The following DST variants were observed in gnomAD, a reference collection of about 807,000 sequenced individuals.
DST encodes bullous pemphigoid antigen.
In DST, 253 loss-of-function variants were observed where a neutral mutation model predicts 875.2. The ratio of observed to expected loss-of-function variants is 0.29; its 90% CI spans 0.26 to 0.32. The LOEUF (loss-of-function observed/expected upper bound fraction) is 0.32. Among genes scored for constraint, DST ranks in the 10% least tolerant of loss-of-function variants. DST has a pLI of 1.00. For missense variants in DST, 8,287 were observed against 9,111.6 expected (o/e 0.91, Z 3.68); for synonymous variants, 3,124 against 3,197.1 (o/e 0.98, Z 0.77).
chr6:56,469,839 T>C (rs1189509836), intron 97 of DST, 44 bp downstream of exon 97: 9 of 1,508,090 alleles, frequency 6.0e-6, no homozygotes, highest in Admixed American at 1.7e-5. Context: ...CAGATTTCAA[T>C]TTATGTCCTT....
intron 4 of DST, among the ~76,000 whole-genome samples, chr6:56,814,822 AAG>A (rs2099764730): frequency 6.6e-6 from 1 of 152,244 alleles, no homozygotes; most frequent in Admixed American, 6.5e-5. Context: ...ATTGAACAAA[AAG>A]AGAGGCAAAA....
chr6:56,506,505 C>T lies in DST; in HGVS notation c.19402G>A (p.Asp6468Asn). 1 of 1,613,126 alleles carries T rather than the reference C, an allele frequency of 6.2e-7. No homozygotes were observed. Among genetic ancestry groups the T allele is most frequent in the Non-Finnish European group, 8.5e-7 (1 of 1,179,480 alleles). ...GCCTCCTCAAGTTTGTCAATCCGGT[C>T]TTTCCAAGCTTTATTTAGAGAATCC... The part of the protein sequence containing the change: ...AWDSLNKAWK[D>N]RIDKLEEAMQ... Residue 6468 changes from aspartate (D) to asparagine (N), a missense_variant, in exon 77 of 104, where the codon GAC becomes AAC. By Grantham distance (23) the Asp-to-Asn change is conservative. Around this residue, in one of 10 missense-constraint regions of DST, gnomAD observed 1,292 missense variants for 1,552.7 expected, o/e 0.83. Coordinates refer to ENST00000680361, the MANE Select transcript of DST (RefSeq NM_001374736.1).
At chr6:56,879,559 TAAGA>T (rs1251203973) in intron 3 of DST, among the ~76,000 whole-genome samples, 2 of 152,240 alleles carry the variant, frequency 1.3e-5, no homozygotes, top group African/African-American at 4.8e-5. Flanking sequence ...CAGTCCCTAT[TAAGA>T]TAGATAAAGA....
At chr6:56,664,807 C>A (rs931692262) in intron 10 of DST, among the ~76,000 whole-genome samples, 1 of 152,000 alleles carries the variant, frequency 6.6e-6, no homozygotes, top group Non-Finnish European at 1.5e-5. Flanking sequence ...AGTATACAAA[C>A]AGAACAAGCA....
At chr6:56,528,691 C>T (rs1469615323) in intron 67 of DST, 150 bp downstream of exon 67, 2 of 628,914 alleles carry the variant, frequency 3.2e-6, no homozygotes, top group Non-Finnish European at 5.6e-6. Context: ...TAACCACCCC[C>T]TTGATTGGTC....
At chr6:56,921,071 A>G (rs73463711) in intron 2 of DST, among the ~76,000 whole-genome samples, 4,849 of 151,920 alleles carry the variant, frequency 0.032, 250 homozygotes, top group African/African-American at 0.11. Context: ...AAACAAATAA[A>G]TCAAACAAAT....
At chr6:56,645,558 C>CA (rs1421574926) in intron 15 of DST, among the ~76,000 whole-genome samples, 2 of 152,086 alleles carry the variant, frequency 1.3e-5, no homozygotes, top group African/African-American at 4.8e-5. Context: ...CTTTTAGATC[C>CA]AGGCCCTGGT....
At chr6:56,791,887 A>G (rs568350743) in intron 4 of DST, among the ~76,000 whole-genome samples, 2 of 152,280 alleles carry the variant, frequency 1.3e-5, no homozygotes, top group African/African-American at 2.4e-5. Flanking sequence ...AGCAATAAAC[A>G]TATCTAGTGC....
At chr6:56,511,529 A>G in intron 72 of DST, 129 bp from the exon 73 acceptor site, 1 of 698,068 alleles carries the variant, frequency 1.4e-6, no homozygotes, top group South Asian at 1.8e-5. Context: ...GGCATTTAAC[A>G]CATGATGGCT....
At chr6:56,655,721 T>A (rs1168876922) in intron 10 of DST, among the ~76,000 whole-genome samples, 2 of 152,170 alleles carry the variant, frequency 1.3e-5, no homozygotes, top group Non-Finnish European at 2.9e-5. Flanking sequence ...TCAAGAAATG[T>A]CCACTGCATA....
intron 2 of DST, among the ~76,000 whole-genome samples, chr6:56,950,130 T>A (rs1821605921): frequency 6.6e-6 from 1 of 152,190 alleles, no homozygotes; most frequent in Non-Finnish European, 1.5e-5. Context: ...GCCAGATAAT[T>A]CTTGTGTTAC....
chr6:56,872,349 T>C (rs1777585627), intron 3 of DST, among the ~76,000 whole-genome samples: 1 of 152,168 alleles, frequency 6.6e-6, no homozygotes, highest in Non-Finnish European at 1.5e-5. Context: ...TAAAAGTAAC[T>C]AAAATTTTAA....
chr6:56,871,246 G>A (rs1420732343), intron 3 of DST: 7 of 773,468 alleles, frequency 9.1e-6, no homozygotes, highest in Non-Finnish European at 9.6e-6. Context: ...AAATCAAGAG[G>A]TTCAAATCTT....
At chr6:56,876,975 G>T (rs1275532580) in intron 3 of DST, among the ~76,000 whole-genome samples, 1 of 152,044 alleles carries the variant, frequency 6.6e-6, no homozygotes, top group East Asian at 1.9e-4. Flanking sequence ...ATTTATAAAG[G>T]TTATTTCCAT....
chr6:56,943,801 T>C (rs1276862203), intron 2 of DST, among the ~76,000 whole-genome samples: 1 of 151,984 alleles, frequency 6.6e-6, no homozygotes, highest in Admixed American at 6.6e-5. Context: ...AAGACATAAG[T>C]AAGGTATAAC....
chr6:56,629,280 C>A lies in DST; in HGVS notation c.4445G>T (p.Trp1482Leu). ...GTCAATCTGCACATGAACATTTTGC[C>A]ACCTTTCAACTAATTGATCTGCTTT... is the stretch of plus-strand genomic sequence containing the variant. ...KEKADQLVER[W>L]QNVHVQIDNR... is the part of the protein sequence containing the mutation. The change falls in exon 32 of 104, where the codon TGG becomes TTG. Residue 1482 changes from tryptophan to leucine, a missense_variant. By Grantham distance (61) the Trp-to-Leu change is moderately conservative. Around this residue, in one of 10 missense-constraint regions of DST, gnomAD observed 3,138 missense variants for 3,116.6 expected, o/e 1.01. Transcript: ENST00000680361. 1 of 1,613,678 alleles carries A rather than the reference C, an allele frequency of 6.2e-7. No individual in the cohort carries two copies. The highest frequency in any genetic ancestry group is 1.1e-5 in the South Asian group (1 of 91,060).
At chr6:56,647,688 G>GTTGTTTTTTTTTTTTTTTT (rs1491402943) in intron 13 of DST, among the ~76,000 whole-genome samples, 3 of 126,904 alleles carry the variant, frequency 2.4e-5, no homozygotes, top group African/African-American at 9.5e-5. Context: ...TTTTTGTAAT[G>GTTGTTTTTTTTTTTTTTTT]TTTTTTTTTT....
chr6:56,640,339 G>A lies in DST; in HGVS notation c.2294C>T (p.Ala765Val), dbSNP rs1330669407. The A allele has an allele frequency of 3.7e-6, 6 of 1,614,038 alleles. No homozygotes were observed. The highest frequency in any genetic ancestry group is 1.7e-5 in the Admixed American group (1 of 59,998). The stretch of plus-strand genomic sequence containing the variant: ...TCCTGATGGGAAACCAGGTGTATAA[G>A]CTGGAGTGACAGATGGAGTCAGGCG... Reference protein sequence around the residue: ...TSRLTPSVTPAYTPGFPSGLV... With the variant: ...TSRLTPSVTPVYTPGFPSGLV... The change falls in exon 18 of 104, where the codon GCT becomes GTT. Residue 765 changes from alanine (A) to valine (V), a missense_variant. By Grantham distance (64) the Ala-to-Val change is moderately conservative (BLOSUM62 0). This residue lies in a region of DST where 1,160 missense variants were observed against 1,424.3 expected (regional missense o/e 0.81). Transcript: ENST00000680361.
At chr6:56,788,208 CTT>C (rs1041129605) in intron 4 of DST, among the ~76,000 whole-genome samples, 2 of 128,330 alleles carry the variant, frequency 1.6e-5, no homozygotes, top group Non-Finnish European at 1.7e-5. Flanking sequence ...TTAAGTTCTT[CTT>C]TTTTTTTTTT....
Sources: gnomAD v4.1 joint callset for allele counts (sites outside exome capture counted in the v4.1 genomes callset) on GRCh38, gnomAD v4.1.1 for gene constraint, gnomAD v4.1.1 regional missense constraint, MANE v1.5 for transcripts, NCBI Gene and HGNC (gene_info 2026-07-23, HGNC 2026-07-21) for gene names.